Variants in LRBA observed in about 807,000 individuals in gnomAD.
LRBA encodes lipopolysaccharide-responsive and beige-like anchor protein.
LRBA carries 176 observed loss-of-function variants against 330.0 expected under a neutral mutation model. The observed-to-expected ratio is 0.53, with a 90% CI of 0.47 to 0.60. The LOEUF is 0.60. Among genes scored for constraint, LRBA ranks in the 20% least tolerant of loss-of-function variants. The pLI, the probability that LRBA is intolerant of heterozygous loss-of-function variation, is 0.00. For missense variants in LRBA, 3,259 were observed against 3,444.8 expected (o/e 0.95, Z 1.35); for synonymous variants, 1,230 against 1,193.0 (o/e 1.03, Z -0.64).
intron 37 of LRBA, among the ~76,000 whole-genome samples, chr4:150,648,024 T>C (rs184049185): frequency 1.1e-4 from 17 of 151,492 alleles, no homozygotes; most frequent in Admixed American, 2.0e-4. Context: ...CAGGTATTTT[T>C]GCTTTGTTTA....
At chr4:150,559,905 T>A (rs112574752) in intron 40 of LRBA, among the ~76,000 whole-genome samples, 2,936 of 56,642 alleles carry the variant, frequency 0.052, 78 homozygotes, top group East Asian at 0.13. Flanking sequence ...TTATATATAA[T>A]TATATATAAT....
intron 42 of LRBA, among the ~76,000 whole-genome samples, chr4:150,474,199 A>G (rs1209618807): frequency 6.6e-6 from 1 of 152,108 alleles, no homozygotes; most frequent in African/African-American, 2.4e-5. Flanking sequence ...TAAACATCCA[A>G]TTTTGTCCAC....
chr4:150,830,260 C>T (rs1335965140), intron 29 of LRBA, among the ~76,000 whole-genome samples: 1 of 152,302 alleles, frequency 6.6e-6, no homozygotes, highest in African/African-American at 2.4e-5. Flanking sequence ...ATTTGGCCCA[C>T]GTTTTAAGGT....
intron 40 of LRBA, among the ~76,000 whole-genome samples, chr4:150,492,205 T>TTTAA (rs1330894967): frequency 6.6e-6 from 1 of 150,638 alleles, no homozygotes; most frequent in African/African-American, 2.4e-5. Flanking sequence ...ACAAACCTTA[T>TTTAA]TTAAGTCAGT....
chr4:150,804,870 C>G (rs777912281), intron 33 of LRBA, among the ~76,000 whole-genome samples: 4 of 152,038 alleles, frequency 2.6e-5, no homozygotes, highest in Non-Finnish European at 5.9e-5. Context: ...CCCAGCAACT[C>G]AGAAGGCCAA....
intron 47 of LRBA, among the ~76,000 whole-genome samples, chr4:150,350,443 G>C (rs572152000): frequency 2.0e-5 from 3 of 151,918 alleles, no homozygotes; most frequent in Non-Finnish European, 4.4e-5. Flanking sequence ...GGTGGCCTGC[G>C]CCTGTAATCC....
intron 2 of LRBA, among the ~76,000 whole-genome samples, chr4:150,937,547 G>A (rs1360251293): frequency 1.3e-5 from 2 of 152,034 alleles, no homozygotes; most frequent in African/African-American, 4.8e-5. Flanking sequence ...CATGGAAACT[G>A]ATGTATAGTC....
intron 47 of LRBA, among the ~76,000 whole-genome samples, chr4:150,375,620 G>GCAT (rs1741160500): frequency 2.2e-5 from 2 of 92,968 alleles, no homozygotes; most frequent in Non-Finnish European, 3.1e-5. Flanking sequence ...CACCACACCT[G>GCAT]TATTTTTTTT....
At chr4:150,945,518 G>C (rs1210287248) in intron 2 of LRBA, among the ~76,000 whole-genome samples, 1 of 152,168 alleles carries the variant, frequency 6.6e-6, no homozygotes, top group Non-Finnish European at 1.5e-5. Flanking sequence ...TCAGAGATAA[G>C]TGAAACTGCA....
intron 53 of LRBA, among the ~76,000 whole-genome samples, chr4:150,288,038 C>T (rs1426193017): frequency 6.6e-6 from 1 of 150,520 alleles, no homozygotes; most frequent in Non-Finnish European, 1.5e-5. Flanking sequence ...GTCGCCCAGG[C>T]TGGAATGCGG....
At chr4:150,854,046 C>T (rs1750936349) in intron 22 of LRBA, among the ~76,000 whole-genome samples, 1 of 152,076 alleles carries the variant, frequency 6.6e-6, no homozygotes, top group East Asian at 1.9e-4. Flanking sequence ...CAAGAGTATA[C>T]ACACAGATGA....
At chr4:150,783,527 G>A (rs556761458) in intron 34 of LRBA, among the ~76,000 whole-genome samples, 1 of 152,266 alleles carries the variant, frequency 6.6e-6, no homozygotes, top group East Asian at 1.9e-4. Flanking sequence ...AGCAAACAAG[G>A]CAGTACTGAT....
intron 30 of LRBA, among the ~76,000 whole-genome samples, chr4:150,821,018 A>C (rs745583555): frequency 2.0e-5 from 3 of 152,122 alleles, no homozygotes; most frequent in Non-Finnish European, 4.4e-5. Context: ...CAAAACTGAG[A>C]CTTTACATGA....
chr4:150,570,901 A>G (rs894710119), intron 40 of LRBA, among the ~76,000 whole-genome samples: 1 of 152,178 alleles, frequency 6.6e-6, no homozygotes. Context: ...CTAATAATAC[A>G]GAGTGTCAAA....
At chr4:150,693,760 A>C (rs944751498) in intron 36 of LRBA, among the ~76,000 whole-genome samples, 1 of 152,094 alleles carries the variant, frequency 6.6e-6, no homozygotes, top group African/African-American at 2.4e-5. Flanking sequence ...TATCACAAAA[A>C]AATTAAATTA....
chr4:150,597,028 T>C (rs1773568655), intron 38 of LRBA: 8 of 894,730 alleles, frequency 8.9e-6, no homozygotes, highest in Non-Finnish European at 1.4e-5. Flanking sequence ...GTTTTTAACA[T>C]TTTGGAGTAT....
chr4:150,287,119 G>A (rs989271614), intron 53 of LRBA, among the ~76,000 whole-genome samples: 1 of 152,202 alleles, frequency 6.6e-6, no homozygotes, highest in African/African-American at 2.4e-5. Flanking sequence ...TGCCCACAGA[G>A]TAAGTGGCTA....
At chr4:150,836,220 T>C (rs961274184) in intron 28 of LRBA, among the ~76,000 whole-genome samples, 6 of 152,306 alleles carry the variant, frequency 3.9e-5, no homozygotes, top group Admixed American at 2.6e-4. Flanking sequence ...TTAGTGAGGA[T>C]TTTTGCATCG....
chr4:150,666,974 G>A (rs1781618777), intron 37 of LRBA, among the ~76,000 whole-genome samples: 1 of 152,128 alleles, frequency 6.6e-6, no homozygotes, highest in African/African-American at 2.4e-5. Flanking sequence ...TAAGGAAGCT[G>A]AAACCCAGAG....
Sources: allele counts gnomAD v4.1 joint callset (sites outside exome capture counted in the v4.1 genomes callset), GRCh38; gene constraint gnomAD v4.1.1; transcripts MANE v1.5; gene names NCBI Gene and HGNC (gene_info 2026-07-23, HGNC 2026-07-21).